The following CCDC85C variants were observed in gnomAD, a reference collection of about 807,000 sequenced individuals.
CCDC85C encodes the protein coiled-coil domain containing 85C.
Under a neutral mutation model 38.3 loss-of-function variants are expected in CCDC85C, and 18 were observed. The observed-to-expected ratio is 0.47, with a 90% CI of 0.33 to 0.70. The LOEUF (loss-of-function observed/expected upper bound fraction) is 0.70, where lower values mean the gene tolerates loss of function less well. Among genes scored for constraint, CCDC85C ranks in the 30% least tolerant of loss-of-function variants. The pLI, the probability that CCDC85C is intolerant of heterozygous loss-of-function variation, is 0.03. For missense variants in CCDC85C, 566 were observed against 621.2 expected, an observed-to-expected ratio of 0.91 and a Z score of 0.94; for synonymous variants, 264 against 293.8, an observed-to-expected ratio of 0.90 and a Z score of 1.04.
rs1897313468 is a variant in CCDC85C, at chr14:99,522,249, G to C, written c.868-9C>G. On this transcript the variant is annotated splice_polypyrimidine_tract_variant and intron_variant, in intron 2 of 5. Transcript: ENST00000380243. Reference sequence around the variant, plus strand: ...TCTCCGGAGCCTGCCTGCTGCAGGGGAGAGAAGGAGAGGGGTTAGACGGAG... The same window carrying C: ...TCTCCGGAGCCTGCCTGCTGCAGGGCAGAGAAGGAGAGGGGTTAGACGGAG... 1 of 1,539,448 alleles carries C rather than the reference G, an allele frequency of 6.5e-7. No individual in the cohort carries two copies. Among genetic ancestry groups the C allele is most frequent in the South Asian group, 1.2e-5 (1 of 83,858 alleles).
At position 99,545,216 on chromosome 14, in the gene CCDC85C, C is replaced by T. The variant is rs1240132171; in HGVS notation, c.794-9128G>A. Among the ~76,000 whole-genome samples the T allele has an allele frequency of 6.6e-6, 1 of 152,068 alleles. No homozygotes were observed. The highest frequency in any genetic ancestry group is 1.5e-5 in the Non-Finnish European group (1 of 67,966). On this transcript the variant is annotated intron_variant, in intron 1 of 5. Coordinates refer to ENST00000380243, the MANE Select transcript of CCDC85C (RefSeq NM_001144995.2). The surrounding 1 kb of genome is among the most constrained non-coding windows in gnomAD (Gnocchi z 4.7). ...CCACACCGGCTGCCTGCCTCTCCCA[C>T]ACATCAGCTGCCTGCCTCTCCCCAG...
rs1409262354 is a variant in CCDC85C, at chr14:99,511,503, A to T, written c.*3743T>A. On this transcript the variant is annotated 3_prime_UTR_variant, in exon 6 of 6. Transcript: ENST00000380243. ...TTCAGTCAGTTATCCAAATAAAAGCAGTTCTGAAACTATCCCTTTCTTTGT... is the reference window on the plus strand; with the variant it reads ...TTCAGTCAGTTATCCAAATAAAAGCTGTTCTGAAACTATCCCTTTCTTTGT... The T allele has an allele frequency of 1.3e-5, 2 of 152,622 alleles. No individual in the cohort carries two copies. The highest frequency in any genetic ancestry group is 2.9e-5 in the Non-Finnish European group (2 of 68,044). The allele number at this position is 152,622 out of a possible 1,614,324, so 9.5% of individuals were successfully genotyped here.
chr14:99,522,021 G>A, intron 3 of CCDC85C, 112 bp downstream of exon 3: 1 of 773,504 alleles, frequency 1.3e-6, no homozygotes, highest in African/African-American at 1.7e-5. Context: ...GCCTAGGGCT[G>A]GGGCTGAACT....
intron 1 of CCDC85C, among the ~76,000 whole-genome samples, chr14:99,590,307 G>A (rs1367118795): frequency 6.6e-6 from 1 of 152,216 alleles, no homozygotes; most frequent in Non-Finnish European, 1.5e-5. Flanking sequence ...CATACTCCCT[G>A]CGCTGTTCCG....
chr14:99,583,690 C>A (rs1003586306), intron 1 of CCDC85C, among the ~76,000 whole-genome samples: 1 of 151,748 alleles, frequency 6.6e-6, no homozygotes, highest in African/African-American at 2.4e-5. Flanking sequence ...CGCCTGTAGT[C>A]CCACCTACTC....
rs113767483 is a variant in CCDC85C at position 99,576,128 on chromosome 14, C to T, written c.793+27039G>A. The stretch of plus-strand genomic sequence containing the variant: ...ATCTTCCTCCATCCCCAAAAAGTAG[C>T]CACAATCCCACAAAGAGGGCCAGGG... On this transcript the variant is annotated intron_variant, in intron 1 of 5. Transcript: ENST00000380243. This position sits in a 1 kb window ranked among gnomAD's most constrained non-coding sequence, Gnocchi z 4.8. Among the ~76,000 whole-genome samples, 1,266 of 152,310 alleles carry T rather than the reference C, an allele frequency of 8.3e-3. 20 individuals are homozygous for T. The highest frequency in any genetic ancestry group is 0.028 in the African/African-American group (1,171 of 41,556).
intron 1 of CCDC85C, among the ~76,000 whole-genome samples, chr14:99,541,529 G>A (rs1897713181): frequency 6.6e-6 from 1 of 152,232 alleles, no homozygotes; most frequent in African/African-American, 2.4e-5. Flanking sequence ...CCCAGGGAGA[G>A]GGGTAGAGAA....
At chr14:99,600,815 C>T (rs2055190697) in intron 1 of CCDC85C, among the ~76,000 whole-genome samples, 1 of 152,240 alleles carries the variant, frequency 6.6e-6, no homozygotes, top group Admixed American at 6.5e-5. Context: ...TTATCTCCCT[C>T]AGCTCAGGCC....
intron 1 of CCDC85C, among the ~76,000 whole-genome samples, chr14:99,575,265 G>A (rs1484070105): frequency 6.6e-6 from 1 of 152,208 alleles, no homozygotes; most frequent in Non-Finnish European, 1.5e-5. Flanking sequence ...GACTGCGCCA[G>A]GGGAGTGCCA....
chr14:99,568,974 T>C (rs1193989857), intron 1 of CCDC85C, among the ~76,000 whole-genome samples: 5 of 152,080 alleles, frequency 3.3e-5, no homozygotes. Context: ...TTCTCTCTCC[T>C]GGGAGGGCTG....
intron 1 of CCDC85C, among the ~76,000 whole-genome samples, chr14:99,584,904 C>T (rs1255329778): frequency 6.6e-6 from 1 of 152,144 alleles, no homozygotes; most frequent in African/African-American, 2.4e-5. Context: ...GCCTGGGCAA[C>T]ACAGCAAGAC....
At chr14:99,525,681 G>T (rs749700826) in intron 2 of CCDC85C, among the ~76,000 whole-genome samples, 6 of 152,234 alleles carry the variant, frequency 3.9e-5, no homozygotes, top group Non-Finnish European at 7.3e-5. Context: ...TGGGGGTGCG[G>T]GTGGAGGCAG....
At position 99,533,468 on chromosome 14, in the gene CCDC85C, T is replaced by C. The variant is rs1897531750; in HGVS notation, c.867+2547A>G. ...AAAATACTTTGAACCCTTTCTGCAC[T>C]GGATGATCTCTGAATTCCGCGCCCT... On this transcript the variant is annotated intron_variant, in intron 2 of 5. Transcript: ENST00000380243. This position sits in a 1 kb window ranked among gnomAD's most constrained non-coding sequence, Gnocchi z 4.2. Among the ~76,000 whole-genome samples, 2 of 152,236 alleles carry C rather than the reference T, an allele frequency of 1.3e-5. No homozygotes were observed. The highest frequency in any genetic ancestry group is 2.1e-4 in the South Asian group (1 of 4,832).
Position 99,520,512 on chromosome 14 carries a change from C to A in CCDC85C, c.975+1621G>T, listed in dbSNP as rs60452548. Among the ~76,000 whole-genome samples, 15 of 54,656 alleles carry A rather than the reference C, an allele frequency of 2.7e-4. 1 individual carries two copies. The highest frequency in any genetic ancestry group is 8.3e-4 in the African/African-American group (15 of 18,156). 35.9% of individuals were successfully genotyped at this position (54,656 alleles called of 152,430 possible). A position where few individuals can be genotyped will look rare whatever the true frequency, so the allele number is the denominator to read the frequency against. ...CGACCAGCCCCAATCACGGCCCCTG[C>A]ACCTCAGTTCATCCCACTCCTGGGG... On this transcript the variant is annotated intron_variant, in intron 3 of 5. Transcript: ENST00000380243. This position sits in a 1 kb window ranked among gnomAD's most constrained non-coding sequence, Gnocchi z 4.1.
intron 3 of CCDC85C, among the ~76,000 whole-genome samples, chr14:99,521,548 C>G (rs1897303352): frequency 6.6e-6 from 1 of 152,226 alleles, no homozygotes; most frequent in Admixed American, 6.5e-5. Context: ...GCTACACACC[C>G]ACCAAGGCTC....
chr14:99,554,491 C>T lies in CCDC85C; in HGVS notation c.794-18403G>A, dbSNP rs1169655055. ...GATCTGCAGCCCCAGCTGTGGCAGGCGGGCAGGGGGTAAGCGCATGCTGGC... is the reference window on the plus strand; with the variant it reads ...GATCTGCAGCCCCAGCTGTGGCAGGTGGGCAGGGGGTAAGCGCATGCTGGC... On this transcript the variant is annotated intron_variant, in intron 1 of 5. Coordinates refer to ENST00000380243, the MANE Select transcript of CCDC85C (RefSeq NM_001144995.2). Among the ~76,000 whole-genome samples, 6 of 152,342 alleles carry T rather than the reference C, an allele frequency of 3.9e-5. No homozygotes were observed. In the South Asian group the frequency reaches 1.0e-3, roughly 26 times the overall value.
Position 99,562,853 on chromosome 14 carries a change from TCATATGCACACACACACC to T in CCDC85C, c.794-26783_794-26766del, listed in dbSNP as rs578098662. On this transcript the variant is annotated intron_variant, in intron 1 of 5. Coordinates refer to ENST00000380243, the MANE Select transcript of CCDC85C (RefSeq NM_001144995.2). ...CAAGTGCATATTCACACACTCACCC[TCATATGCACACACACACC>T]CATATGCACACACACACACAGGTAT... Among the ~76,000 whole-genome samples the T allele has an allele frequency of 5.7e-3, 869 of 151,972 alleles. 8 individuals are homozygous for T. The highest frequency in any genetic ancestry group is 0.02 in the African/African-American group (827 of 41,400).
chr14:99,536,658 A>G (rs1348660664), intron 1 of CCDC85C, among the ~76,000 whole-genome samples: 2 of 152,208 alleles, frequency 1.3e-5, no homozygotes, highest in Non-Finnish European at 2.9e-5. Flanking sequence ...CCCACAGCAT[A>G]TGCTGCAGGT....
At chr14:99,529,001 T>C (rs1897443009) in intron 2 of CCDC85C, among the ~76,000 whole-genome samples, 1 of 151,594 alleles carries the variant, frequency 6.6e-6, no homozygotes, top group African/African-American at 2.4e-5. Context: ...AAAACAAAAG[T>C]TGATAGGGAA....
Sources: allele counts gnomAD v4.1 joint callset (sites outside exome capture counted in the v4.1 genomes callset), GRCh38; gene constraint gnomAD v4.1.1; non-coding constraint Gnocchi (gnomAD v3.1); transcripts MANE v1.5; gene names NCBI Gene and HGNC (gene_info 2026-07-23, HGNC 2026-07-21).